Variants in ALDH16A1 observed in about 807,000 individuals in gnomAD.
ALDH16A1 encodes the protein aldehyde dehydrogenase family 16 member A1.
In ALDH16A1, 88 loss-of-function variants were observed where a neutral mutation model predicts 96.1. The ratio of observed to expected loss-of-function variants is 0.92; its 90% CI spans 0.77 to 1.09. The LOEUF (loss-of-function observed/expected upper bound fraction) is 1.09, where lower values mean the gene tolerates loss of function less well. Ranked by LOEUF, ALDH16A1 falls within the 50% of genes least tolerant of loss-of-function variation. The pLI is 0.00. For missense variants in ALDH16A1, 1,250 were observed against 1,112.6 expected, an observed-to-expected ratio of 1.12 and a Z score of -1.76; for synonymous variants, 522 against 496.4, an observed-to-expected ratio of 1.05 and a Z score of -0.69.
Position 49,464,850 on chromosome 19 carries a change from G to A in ALDH16A1, c.1568+88G>A, listed in dbSNP as rs144848328. ...TCCCCGTGGACTGGAGGGCTGGCGC[G>A]AGGTCCATCCAAACCATCTCTTAGT... On this transcript the variant is annotated intron_variant, in intron 12 of 16. Coordinates refer to ENST00000293350, the MANE Select transcript of ALDH16A1 (RefSeq NM_153329.4). The A allele has an allele frequency of 7.4e-3, 11,752 of 1,580,472 alleles. 91 individuals carry two copies. The highest frequency in any genetic ancestry group is 0.021 in the South Asian group (1,879 of 88,414).
At chr19:49,465,302 C>T (rs1395030867) in intron 12 of ALDH16A1, among the ~76,000 whole-genome samples, 1 of 147,898 alleles carries the variant, frequency 6.8e-6, no homozygotes, top group Admixed American at 6.7e-5. Flanking sequence ...TGGGGTGCCC[C>T]ACAGGCTTAT....
chr19:49,461,420 G>A (rs1047188488), intron 5 of ALDH16A1, among the ~76,000 whole-genome samples, 199 bp from the exon 6 acceptor site: 1 of 142,680 alleles, frequency 7.0e-6, no homozygotes, highest in African/African-American at 2.9e-5. Context: ...TGGGTCTGAG[G>A]GAGGAGGGGC....
chr19:49,468,129 T>C lies in ALDH16A1; in HGVS notation c.1939-252T>C, dbSNP rs369749770. On this transcript the variant is annotated intron_variant, in intron 14 of 16. Transcript: ENST00000293350. This position sits in a 1 kb window ranked among gnomAD's most constrained non-coding sequence, Gnocchi z 4.4. Reference sequence around the variant, plus strand: ...GAGCCAAGATCGCACCACTGCACTCTAGCCAGGGCGACAGAGTGAGAGTCC... The same window carrying C: ...GAGCCAAGATCGCACCACTGCACTCCAGCCAGGGCGACAGAGTGAGAGTCC... 2.4e-4 allele frequency among the ~76,000 whole-genome samples: 34 copies of C among 143,418 alleles called. No homozygotes were observed. Among genetic ancestry groups the C allele is most frequent in the South Asian group, 4.4e-4 (2 of 4,532 alleles). The allele number at this position is 143,418 out of a possible 152,430, so 94.1% of individuals were successfully genotyped here.
In ALDH16A1 at chr19:49,462,570, G is replaced by T. The variant is rs771502039; in HGVS notation, c.913G>T (p.Gly305Cys). The change falls in exon 8 of 17, where the codon GGT (glycine) becomes TGT (cysteine). Residue 305 changes from glycine to cysteine, a missense_variant and splice_region_variant. By Grantham distance (159) the Gly-to-Cys change is radical. Transcript: ENST00000293350. ...CTCCTGATGCCCCTTTTCCTCACAG[G>T]GTGGCCTCAGGCTCCTCATCCAGGA... ...VDAAWSDRGPGGLRLLIQESV... is the reference protein window; with the variant it reads ...VDAAWSDRGPCGLRLLIQESV... 1 of 1,612,422 alleles carries T rather than the reference G, an allele frequency of 6.2e-7. No individual in the cohort carries two copies. The highest frequency in any genetic ancestry group is 1.1e-5 in the South Asian group (1 of 90,996).
At position 49,468,625 on chromosome 19, in the gene ALDH16A1, C is replaced by T. The variant is rs756760026; in HGVS notation, c.2124+59C>T. ...GTAGCCTCAGGGCAGCAGAAAAAGG[C>T]GCCCCAAAGTCGGCAGGAGCTTGTC... On this transcript the variant is annotated intron_variant, in intron 15 of 16. Transcript: ENST00000293350. This position sits in a 1 kb window ranked among gnomAD's most constrained non-coding sequence, Gnocchi z 4.4. 49 of 1,569,942 alleles carry T rather than the reference C, an allele frequency of 3.1e-5. No homozygotes were observed. The East Asian group carries it at 6.1e-4, about 19-fold the overall frequency.
intron 8 of ALDH16A1, 45 bp from the exon 9 acceptor site, chr19:49,463,809 C>A: frequency 1.3e-6 from 2 of 1,576,292 alleles, no homozygotes; most frequent in South Asian, 1.1e-5. Flanking sequence ...TCGGTCTCAG[C>A]AGGAAGGGAC....
At position 49,462,719 on chromosome 19, in the gene ALDH16A1, G is replaced by T; in HGVS notation, c.1062G>T (p.Gln354His). Residue 354 changes from glutamine to histidine, a missense_variant, in exon 8 of 17, where the codon CAG becomes CAT. Coordinates refer to ENST00000293350, the MANE Select transcript of ALDH16A1 (RefSeq NM_153329.4). ...ARGAAACDLV[Q>H]RFVREAQSQG... ...GGGCTGCCGCATGTGACCTGGTCCA[G>T]CGCTTTGTGCGTGAGGCCCAGAGCC... is the stretch of plus-strand genomic sequence containing the variant. The T allele has an allele frequency of 6.2e-7, 1 of 1,602,760 alleles. No homozygotes were observed. The highest frequency in any genetic ancestry group is 8.5e-7 in the Non-Finnish European group (1 of 1,175,642).
At chr19:49,454,516 C>A (rs1170030306) in intron 1 of ALDH16A1, among the ~76,000 whole-genome samples, 1 of 152,258 alleles carries the variant, frequency 6.6e-6, no homozygotes, top group East Asian at 1.9e-4. Flanking sequence ...CTCAGAGGCC[C>A]CCAGAACCCT....
rs1456482203 is a variant in ALDH16A1, at chr19:49,467,464, G to A, written c.1939-917G>A. Among the ~76,000 whole-genome samples, 8 of 149,814 alleles carry A rather than the reference G, an allele frequency of 5.3e-5. No individual in the cohort carries two copies. The East Asian group carries it at 5.9e-4, about 11-fold the overall frequency. On this transcript the variant is annotated intron_variant, in intron 14 of 16. Coordinates refer to ENST00000293350, the MANE Select transcript of ALDH16A1 (RefSeq NM_153329.4). The stretch of plus-strand genomic sequence containing the variant: ...GGCTGGAGTGCAGTGGCGCAATCTC[G>A]GCTCACTGCAACCTCTGCATCCCAG...
rs764452218 is a variant in ALDH16A1, at chr19:49,459,055, C to T, written c.289C>T (p.Pro97Ser). The T allele has an allele frequency of 3.7e-6, 6 of 1,613,042 alleles. No individual in the cohort carries two copies. In the African/African-American group the frequency reaches 6.7e-5, roughly 18 times the overall value. ...RMAFKGWSAH[P>S]GVVRAQHLTR... is the part of the protein sequence containing the mutation. ...GGCATTTAAGGGCTGGAGTGCGCAC[C>T]CCGGCGTCGTCCGGGCCCAGCACCT... is the stretch of plus-strand genomic sequence containing the variant. Residue 97 changes from proline to serine, a missense_variant, in exon 3 of 17, where the codon CCC (proline) becomes TCC (serine). Physicochemically the swap from Pro to Ser is moderately conservative, Grantham distance 74. Transcript: ENST00000293350. This position sits in a 1 kb window ranked among gnomAD's most constrained non-coding sequence, Gnocchi z 4.1.
rs941278030 is a variant in ALDH16A1 at position 49,463,932 on chromosome 19, C to G, written c.1177C>G (p.Pro393Ala). ...GGTCTCCAACCTGCCCCCAGCCTCCCCATGTGCCCAGGTGGAGGTGAGACC... is the reference window on the plus strand; with the variant it reads ...GGTCTCCAACCTGCCCCCAGCCTCCGCATGTGCCCAGGTGGAGGTGAGACC... ...TLVSNLPPASPCAQVEVPWPV... is the reference protein window; with the variant it reads ...TLVSNLPPASACAQVEVPWPV... Residue 393 changes from proline (P) to alanine (A), a missense_variant, in exon 9 of 17, where the codon CCA (proline) becomes GCA (alanine). Transcript: ENST00000293350. 4 of 1,610,934 alleles carry G rather than the reference C, an allele frequency of 2.5e-6. No homozygotes were observed. The highest frequency in any genetic ancestry group is 1.3e-5 in the African/African-American group (1 of 74,954).
intron 5 of ALDH16A1, 44 bp downstream of exon 5, chr19:49,460,943 G>C: frequency 6.3e-7 from 1 of 1,589,720 alleles, no homozygotes; most frequent in Non-Finnish European, 8.6e-7. Flanking sequence ...GTCTGAGAAA[G>C]GAGGGGATCG....
Position 49,468,239 on chromosome 19 carries a change from G to T in ALDH16A1, c.1939-142G>T. 1.3e-6 allele frequency: 1 copy of T among 767,218 alleles called. No individual in the cohort carries two copies. The highest frequency in any genetic ancestry group is 1.8e-5 in the South Asian group (1 of 55,538). 47.5% of individuals were successfully genotyped at this position (767,218 alleles called of 1,614,324 possible). On this transcript the variant is annotated intron_variant, in intron 14 of 16. Transcript: ENST00000293350. The surrounding 1 kb of genome is among the most constrained non-coding windows in gnomAD (Gnocchi z 4.4). ...CCCGTGGAATGATTCACTTTGACCA[G>T]CGTCTGCGAAATGGCAGGGGCTTCC...
rs768780600 is a variant in ALDH16A1 at position 49,464,519 on chromosome 19, A to G, written c.1434A>G (p.Pro478=). ...GTGGGTGTTCCTGGCACGGGGGCCCAGACGTGAGTACATCCCCTCCCCGTC... is the reference window on the plus strand; with the variant it reads ...GTGGGTGTTCCTGGCACGGGGGCCCGGACGTGAGTACATCCCCTCCCCGTC... ...KESGCSWHGG[P]DGLYEYLRPS... The change falls in exon 11 of 17, where the codon CCA becomes CCG. Residue 478 remains proline (P), a synonymous_variant. Coordinates refer to ENST00000293350, the MANE Select transcript of ALDH16A1 (RefSeq NM_153329.4). The G allele has an allele frequency of 6.2e-7, 1 of 1,613,820 alleles. No homozygotes were observed.
intron 14 of ALDH16A1, 35 bp downstream of exon 14, chr19:49,466,318 A>AG: frequency 7.0e-7 from 1 of 1,425,994 alleles, no homozygotes; most frequent in African/African-American, 1.5e-5. Flanking sequence ...CCAGCTGGGC[A>AG]GGCGGGGTGG....
chr19:49,462,561 T>G lies in ALDH16A1; in HGVS notation c.913-9T>G, dbSNP rs1384918636. ...TGGTGTGATCTCCTGATGCCCCTTT[T>G]CCTCACAGGGTGGCCTCAGGCTCCT... On this transcript the variant is annotated splice_polypyrimidine_tract_variant and intron_variant, in intron 7 of 16. Transcript: ENST00000293350. 1 of 1,611,508 alleles carries G rather than the reference T, an allele frequency of 6.2e-7. No homozygotes were observed. The highest frequency in any genetic ancestry group is 1.3e-5 in the African/African-American group (1 of 74,922).
rs746684413 is a variant in ALDH16A1 at position 49,461,770 on chromosome 19, C to G, written c.729C>G (p.Ile243Met). ...LVPILASQPGIRKVAFCGAPE... is the reference protein window; with the variant it reads ...LVPILASQPGMRKVAFCGAPE... ...CCATCCTGGCCTCCCAGCCTGGAAT[C>G]CGGAAGGTGGCCTTCTGCGGAGCCC... Residue 243 changes from isoleucine (I) to methionine (M), a missense_variant, in exon 6 of 17, where the codon ATC (isoleucine) becomes ATG (methionine). Ile to Met is a conservative substitution (Grantham distance 10). Coordinates refer to ENST00000293350, the MANE Select transcript of ALDH16A1 (RefSeq NM_153329.4). The G allele has an allele frequency of 8.1e-5, 130 of 1,611,166 alleles. No homozygotes were observed. The highest frequency in any genetic ancestry group is 1.1e-4 in the Non-Finnish European group (124 of 1,178,902).
intron 1 of ALDH16A1, among the ~76,000 whole-genome samples, chr19:49,456,486 G>A (rs1224978832): frequency 6.6e-6 from 1 of 152,146 alleles, no homozygotes; most frequent in East Asian, 1.9e-4. Flanking sequence ...CTGGACCCAA[G>A]CAATCCTCCC....
chr19:49,466,218 G>T lies in ALDH16A1; in HGVS notation c.1873G>T (p.Glu625Ter), dbSNP rs781183096. Residue 625 changes from glutamate (E) to a stop codon, truncating the protein, a stop_gained, in exon 14 of 17, where the codon GAG becomes TAG. Transcript: ENST00000293350. LOFTEE classifies it high-confidence loss of function. ...AELKAAEAEV[E>*]LSARRLRAWG... ...GCTCAAGGCTGCGGAGGCGGAGGTG[G>T]AGCTGAGCGCAAGACGACTTCGGGC... is the stretch of plus-strand genomic sequence containing the variant. 6.6e-7 allele frequency: 1 copy of T among 1,523,894 alleles called. No individual in the cohort carries two copies. The highest frequency in any genetic ancestry group is 2.4e-5 in the East Asian group (1 of 42,472). 94.4% of individuals were successfully genotyped at this position (1,523,894 alleles called of 1,614,324 possible).
Sources: allele counts gnomAD v4.1 joint callset (sites outside exome capture counted in the v4.1 genomes callset), GRCh38; gene constraint gnomAD v4.1.1; non-coding constraint Gnocchi (gnomAD v3.1); transcripts MANE v1.5; gene names NCBI Gene and HGNC (gene_info 2026-07-23, HGNC 2026-07-21).